The following ITGB6 variants were observed in gnomAD, a reference collection of about 807,000 sequenced individuals.
The protein encoded by ITGB6 is integrin beta-6.
ITGB6 carries 80 observed loss-of-function variants against 84.5 expected under a neutral mutation model. That is an observed-to-expected ratio of 0.95 (90% CI 0.79 to 1.14). The LOEUF is 1.14. Among genes scored for constraint, ITGB6 ranks in the 50% most tolerant of loss-of-function variants. The pLI is 0.00. For missense variants in ITGB6, 1,006 were observed against 968.0 expected (o/e 1.04, Z -0.52); for synonymous variants, 383 against 354.9 (o/e 1.08, Z -0.89).
At chr2:160,161,532 C>T (rs1348137639) in intron 7 of ITGB6, among the ~76,000 whole-genome samples, 1 of 152,108 alleles carries the variant, frequency 6.6e-6, no homozygotes, top group South Asian at 2.1e-4. Flanking sequence ...CTCGAGTGAA[C>T]CACCCACCTC....
chr2:160,192,958 A>T (rs1686199238), intron 4 of ITGB6, among the ~76,000 whole-genome samples: 1 of 152,170 alleles, frequency 6.6e-6, no homozygotes, highest in Admixed American at 6.6e-5. Flanking sequence ...ACCTATTAGA[A>T]TGGCTAAAAT....
At chr2:160,172,865 G>T in intron 5 of ITGB6, 135 bp from the exon 6 acceptor site, 1 of 588,622 alleles carries the variant, frequency 1.7e-6, no homozygotes, top group Non-Finnish European at 3.0e-6. Flanking sequence ...TATCTATCGT[G>T]AATTGATAAT....
intron 7 of ITGB6, among the ~76,000 whole-genome samples, chr2:160,156,030 T>C (rs1451701862): frequency 6.6e-6 from 1 of 152,206 alleles, no homozygotes; most frequent in Non-Finnish European, 1.5e-5. Flanking sequence ...CACTCTGTGA[T>C]CTAGCAATTC....
At chr2:160,193,109 G>C (rs1686203545) in intron 4 of ITGB6, among the ~76,000 whole-genome samples, 1 of 152,156 alleles carries the variant, frequency 6.6e-6, no homozygotes, top group Admixed American at 6.5e-5. Flanking sequence ...GTACCATACA[G>C]TTCAGCAACT....
intron 7 of ITGB6, among the ~76,000 whole-genome samples, chr2:160,162,400 A>G (rs1168587360): frequency 2.6e-5 from 4 of 152,122 alleles, no homozygotes; most frequent in African/African-American, 9.7e-5. Context: ...ACACACACAT[A>G]TTTTTAATAG....
rs1685942583 is a variant in ITGB6, at chr2:160,187,331, T to C, written c.593+8038A>G. ...AAAATCCATTCAAAATGAAAAGAGA[T>C]CAATGGCTTTTCATTTTAACAACAT... On this transcript the variant is annotated intron_variant, in intron 4 of 14. Transcript: ENST00000283249. 2.0e-5 allele frequency among the ~76,000 whole-genome samples: 3 copies of C among 152,138 alleles called. No individual in the cohort carries two copies. The South Asian group carries it at 6.2e-4, about 32-fold the overall frequency.
At chr2:160,157,922 C>T (rs372034023) in intron 7 of ITGB6, among the ~76,000 whole-genome samples, 13 of 152,152 alleles carry the variant, frequency 8.5e-5, no homozygotes, top group African/African-American at 2.7e-4. Flanking sequence ...GCTTTCTTCC[C>T]GTGAGGTCTT....
intron 12 of ITGB6, among the ~76,000 whole-genome samples, chr2:160,118,474 C>A (rs1682881503): frequency 6.6e-6 from 1 of 152,112 alleles, no homozygotes; most frequent in Non-Finnish European, 1.5e-5. Flanking sequence ...GTGCTTCATG[C>A]TAAAAACTCT....
chr2:160,124,687 GGC>G (rs1683167616), intron 11 of ITGB6, among the ~76,000 whole-genome samples: 1 of 152,140 alleles, frequency 6.6e-6, no homozygotes, highest in African/African-American at 2.4e-5. Context: ...TGTCTCCTCT[GGC>G]CATGGAAATG....
intron 6 of ITGB6, among the ~76,000 whole-genome samples, chr2:160,169,720 A>T (rs1685134968): frequency 6.6e-6 from 1 of 152,222 alleles, no homozygotes; most frequent in Non-Finnish European, 1.5e-5. Flanking sequence ...TACATGACTG[A>T]AGTGACTCTT....
At chr2:160,114,911 C>G (rs562156088) in intron 12 of ITGB6, among the ~76,000 whole-genome samples, 1 of 152,182 alleles carries the variant, frequency 6.6e-6, no homozygotes, top group Non-Finnish European at 1.5e-5. Flanking sequence ...CTAGCACAGC[C>G]GCCTTGTACA....
At chr2:160,119,135 T>C (rs1403954849) in intron 12 of ITGB6, among the ~76,000 whole-genome samples, 3 of 152,190 alleles carry the variant, frequency 2.0e-5, no homozygotes, top group Non-Finnish European at 4.4e-5. Context: ...AAGCTACCAA[T>C]GACTTTCTTC....
At chr2:160,111,987 T>A in intron 13 of ITGB6, 93 bp downstream of exon 13, 1 of 1,306,830 alleles carries the variant, frequency 7.7e-7, no homozygotes, top group Non-Finnish European at 1.1e-6. Flanking sequence ...GGAAATGTCT[T>A]TCCTGGCATG....
chr2:160,131,378 C>A (rs529154169), intron 10 of ITGB6, among the ~76,000 whole-genome samples: 1 of 152,042 alleles, frequency 6.6e-6, no homozygotes, highest in South Asian at 2.1e-4. Context: ...AAGAACATTG[C>A]GATAATAGCT....
intron 12 of ITGB6, among the ~76,000 whole-genome samples, chr2:160,121,124 G>A (rs934878458): frequency 1.3e-5 from 2 of 151,918 alleles, no homozygotes; most frequent in African/African-American, 4.8e-5. Context: ...GAGTCAAGAT[G>A]GCCATATGTT....
At chr2:160,193,527 T>C (rs1434365799) in intron 4 of ITGB6, among the ~76,000 whole-genome samples, 1 of 152,234 alleles carries the variant, frequency 6.6e-6, no homozygotes, top group African/African-American at 2.4e-5. Flanking sequence ...CTACATCATG[T>C]TTTGGATATT....
chr2:160,115,615 C>T (rs1406186969), intron 12 of ITGB6, among the ~76,000 whole-genome samples: 1 of 152,206 alleles, frequency 6.6e-6, no homozygotes, highest in African/African-American at 2.4e-5. Context: ...CTCTCCTCCT[C>T]CAAAGGAATG....
chr2:160,169,901 C>T (rs993564598), intron 6 of ITGB6, among the ~76,000 whole-genome samples: 2 of 152,166 alleles, frequency 1.3e-5, no homozygotes, highest in African/African-American at 4.8e-5. Flanking sequence ...TTGAAAACTA[C>T]ATTGTACTTC....
chr2:160,185,619 C>A (rs1271290326), intron 4 of ITGB6, among the ~76,000 whole-genome samples: 3 of 152,176 alleles, frequency 2.0e-5, no homozygotes, highest in Non-Finnish European at 4.4e-5. Context: ...TTAGAAAAAA[C>A]TACTTTAAAT....
Sources: gnomAD v4.1 joint callset for allele counts (sites outside exome capture counted in the v4.1 genomes callset) on GRCh38, gnomAD v4.1.1 for gene constraint, MANE v1.5 for transcripts, NCBI Gene and HGNC (gene_info 2026-07-23, HGNC 2026-07-21) for gene names.